PLXNA4: variants seen among roughly 807,000 people sequenced by gnomAD.
PLXNA4 encodes the protein plexin A4.
Under a neutral mutation model 191.8 loss-of-function variants are expected in PLXNA4, and 44 were observed. That is an observed-to-expected ratio of 0.23 (90% CI 0.18 to 0.29). The LOEUF (loss-of-function observed/expected upper bound fraction) is 0.29. PLXNA4 is among the 10% of genes least tolerant of loss of function. The pLI, the probability that PLXNA4 is intolerant of heterozygous loss-of-function variation, is 1.00. For missense variants in PLXNA4, 1,800 were observed against 2,488.8 expected (o/e 0.72, Z 5.89); for synonymous variants, 1,082 against 1,009.5 (o/e 1.07, Z -1.36).
intron 3 of PLXNA4, among the ~76,000 whole-genome samples, chr7:132,322,778 G>A (rs981897055): frequency 7.2e-5 from 11 of 152,142 alleles, no homozygotes; most frequent in African/African-American, 2.7e-4. Context: ...AAATTTAGGA[G>A]ATCATTGGGT....
Position 132,132,954 on chromosome 7 carries a change from T to G in PLXNA4, c.5589+95A>C. On this transcript the variant is annotated intron_variant, in intron 31 of 31. Transcript: ENST00000321063. ...GGTTCCCCCAGCAGAGGTGGATGTG[T>G]CTGTGGCGATGATCTCTTATACGGA... 2.6e-6 allele frequency: 4 copies of G among 1,514,066 alleles called. No homozygotes were observed. The East Asian group carries it at 6.9e-5, about 26-fold the overall frequency. 93.8% of individuals were successfully genotyped at this position (1,514,066 alleles called of 1,614,324 possible).
At position 132,391,546 on chromosome 7, in the gene PLXNA4, G is replaced by C. The variant is rs888139093; in HGVS notation, c.1372-93324C>G. 2.0e-5 allele frequency among the ~76,000 whole-genome samples: 3 copies of C among 152,202 alleles called. No homozygotes were observed. In the South Asian group the frequency reaches 6.2e-4, roughly 32 times the overall value. ...GAGCAAAGAATGGGGATGTTTATTG[G>C]AAGCTGAAAGGAGAATCGTGTAGGG... On this transcript the variant is annotated intron_variant, in intron 3 of 31. Coordinates refer to ENST00000321063, the MANE Select transcript of PLXNA4 (RefSeq NM_020911.2).
intron 1 of PLXNA4, among the ~76,000 whole-genome samples, chr7:132,560,267 G>A (rs1585336154): frequency 6.6e-6 from 1 of 152,128 alleles, no homozygotes; most frequent in Non-Finnish European, 1.5e-5. Flanking sequence ...GCCCAGGTGC[G>A]CTCTGTTCCA....
intron 3 of PLXNA4, among the ~76,000 whole-genome samples, chr7:132,338,258 C>A (rs533876978): frequency 8.9e-4 from 136 of 152,316 alleles, no homozygotes; most frequent in African/African-American, 2.7e-3. Flanking sequence ...GTTCTGCCAC[C>A]GGCACAGGAG....
intron 1 of PLXNA4, among the ~76,000 whole-genome samples, chr7:132,575,278 AC>A (rs943753582): frequency 6.6e-6 from 1 of 152,174 alleles, no homozygotes; most frequent in Admixed American, 6.5e-5. Flanking sequence ...GCCAGAGAGA[AC>A]AAGAATGAAA....
At chr7:132,629,453 A>G (rs1247433024) in intron 2 of PLXNA4, among the ~76,000 whole-genome samples, 2 of 152,162 alleles carry the variant, frequency 1.3e-5, no homozygotes, top group African/African-American at 2.4e-5. Context: ...AACATTTTTT[A>G]AAACTGATGC....
intron 14 of PLXNA4, among the ~76,000 whole-genome samples, chr7:132,191,098 A>C (rs1195338000): frequency 6.6e-6 from 1 of 152,140 alleles, no homozygotes; most frequent in East Asian, 1.9e-4. Flanking sequence ...GCAAAATAGG[A>C]TTGAATGGGG....
chr7:132,305,931 A>C (rs1438634125), intron 3 of PLXNA4, among the ~76,000 whole-genome samples: 2 of 152,126 alleles, frequency 1.3e-5, no homozygotes, highest in Non-Finnish European at 2.9e-5. Context: ...CCCAGGTATA[A>C]GAATGCAAGG....
intron 23 of PLXNA4, 30 bp downstream of exon 23, chr7:132,165,104 G>A: frequency 6.2e-7 from 1 of 1,608,322 alleles, no homozygotes; most frequent in South Asian, 1.1e-5. Flanking sequence ...AACGAGGCAA[G>A]GCCAGAAATA....
intron 2 of PLXNA4, among the ~76,000 whole-genome samples, chr7:132,630,097 G>A (rs1803462997): frequency 6.6e-6 from 1 of 152,050 alleles, no homozygotes; most frequent in South Asian, 2.1e-4. Flanking sequence ...TGATCCACCT[G>A]CCTCGGCCTC....
intron 4 of PLXNA4, among the ~76,000 whole-genome samples, chr7:132,251,493 C>T (rs755676618): frequency 3.9e-5 from 6 of 152,172 alleles, no homozygotes; most frequent in Non-Finnish European, 8.8e-5. Flanking sequence ...TATGCTGAGG[C>T]TCCCTAGCTG....
intron 1 of PLXNA4, among the ~76,000 whole-genome samples, chr7:132,571,934 A>G (rs1231551114): frequency 6.6e-6 from 1 of 152,066 alleles, no homozygotes; most frequent in Non-Finnish European, 1.5e-5. Context: ...GATCCATGCA[A>G]TTTTATAACC....
intron 12 of PLXNA4, among the ~76,000 whole-genome samples, chr7:132,201,692 T>C (rs1445117053): frequency 1.3e-5 from 2 of 152,038 alleles, no homozygotes; most frequent in Admixed American, 1.3e-4. Flanking sequence ...GGGAGGAGCA[T>C]GTGGAGAGAG....
At position 132,445,157 on chromosome 7, in the gene PLXNA4, G is replaced by GAAAAAAA. The variant is rs71529762; in HGVS notation, c.1371+44128_1371+44134dup. 9.3e-4 allele frequency among the ~76,000 whole-genome samples: 50 copies of GAAAAAAA among 53,794 alleles called. 1 individual carries two copies. The highest frequency in any genetic ancestry group is 1.2e-3 in the Admixed American group (4 of 3,224). 35.3% of individuals were successfully genotyped at this position (53,794 alleles called of 152,430 possible). A position where few individuals can be genotyped will look rare whatever the true frequency, so the allele number is the denominator to read the frequency against. ...GTGACAGAGCAAGACTCCATCTCAG[G>GAAAAAAA]AAAAAAAAAAAAAAAAAAAAAAAAA... On this transcript the variant is annotated intron_variant, in intron 3 of 31. Transcript: ENST00000321063.
intron 4 of PLXNA4, among the ~76,000 whole-genome samples, chr7:132,273,271 G>A (rs1800144268): frequency 6.6e-6 from 1 of 151,894 alleles, no homozygotes; most frequent in East Asian, 1.9e-4. Flanking sequence ...GCTCACACTG[G>A]AAACTCTTTG....
chr7:132,178,702 A>G (rs552918136), intron 20 of PLXNA4, among the ~76,000 whole-genome samples: 6 of 85,538 alleles, frequency 7.0e-5, no homozygotes. Context: ...TGAAACACAT[A>G]CACATACACA....
intron 3 of PLXNA4, among the ~76,000 whole-genome samples, chr7:132,405,569 G>T (rs936446938): frequency 1.3e-5 from 2 of 152,174 alleles, no homozygotes; most frequent in Non-Finnish European, 2.9e-5. Flanking sequence ...AGGGGAGGAG[G>T]TGTCGGCTTA....
At chr7:132,193,712 G>A (rs1244472035) in intron 14 of PLXNA4, among the ~76,000 whole-genome samples, 3 of 152,164 alleles carry the variant, frequency 2.0e-5, no homozygotes, top group Non-Finnish European at 4.4e-5. Context: ...TTAGCAAGTG[G>A]AAGAGCCAGG....
upstream of PLXNA4, among the ~76,000 whole-genome samples, chr7:132,579,967 G>C (rs902557464): frequency 2.0e-5 from 3 of 152,048 alleles, no homozygotes; most frequent in African/African-American, 7.2e-5. Flanking sequence ...CTCTACATTG[G>C]AAGTTAGAAA....
Sources: gnomAD v4.1 joint callset for allele counts (sites outside exome capture counted in the v4.1 genomes callset) on GRCh38, gnomAD v4.1.1 for gene constraint, MANE v1.5 for transcripts, NCBI Gene and HGNC (gene_info 2026-07-23, HGNC 2026-07-21) for gene names.